Variants in AMPD3 observed in about 807,000 individuals in gnomAD.
AMPD3 encodes the protein AMP deaminase 3.
In AMPD3, 57 loss-of-function variants were observed where a neutral mutation model predicts 82.3. The ratio of observed to expected loss-of-function variants is 0.69; its 90% CI spans 0.56 to 0.86. AMPD3 has a LOEUF of 0.86. Among genes scored for constraint, AMPD3 ranks in the 40% least tolerant of loss-of-function variants. AMPD3 has a pLI of 0.00. For synonymous variants in AMPD3, 381 were observed against 394.7 expected, an observed-to-expected ratio of 0.97 and a Z score of 0.41; for missense variants, 870 against 1,003.8, an observed-to-expected ratio of 0.87 and a Z score of 1.80.
At chr11:10,486,181 G>A (rs1849063788) in intron 5 of AMPD3, among the ~76,000 whole-genome samples, 1 of 152,188 alleles carries the variant, frequency 6.6e-6, no homozygotes, top group East Asian at 1.9e-4. Flanking sequence ...TGCCTAGGGA[G>A]AGAGACTGAG....
chr11:10,452,519 A>G (rs1301816978), upstream of AMPD3, among the ~76,000 whole-genome samples: 1 of 151,866 alleles, frequency 6.6e-6, no homozygotes, highest in African/African-American at 2.4e-5. Flanking sequence ...GGGGAGAAGG[A>G]TGTTCCTCCT....
rs528824389 is a variant in AMPD3, at chr11:10,502,537, A to G, written c.1843-184A>G. 3 of 985,420 alleles carry G rather than the reference A, an allele frequency of 3.0e-6. No individual in the cohort carries two copies. In the African/African-American group the frequency reaches 5.2e-5, roughly 17 times the overall value. 61.0% of individuals were successfully genotyped at this position (985,420 alleles called of 1,614,324 possible). On this transcript the variant is annotated intron_variant, in intron 12 of 14. Coordinates refer to ENST00000396553, the MANE Select transcript of AMPD3 (RefSeq NM_001025389.2). Reference sequence around the variant, plus strand: ...CATGCAATGTAGGAATGAGATGAACAGTGGGGAAGGGGAGAGTGGGTCTGA... The same window carrying G: ...CATGCAATGTAGGAATGAGATGAACGGTGGGGAAGGGGAGAGTGGGTCTGA...
intron 1 of AMPD3, among the ~76,000 whole-genome samples, chr11:10,458,085 G>T (rs745759899): frequency 7.9e-5 from 12 of 151,936 alleles, no homozygotes; most frequent in Non-Finnish European, 1.2e-4. Context: ...GTGGTGGATG[G>T]CTTCTGTCCA....
At chr11:10,470,309 G>A (rs186812022) in intron 2 of AMPD3, among the ~76,000 whole-genome samples, 9 of 152,176 alleles carry the variant, frequency 5.9e-5, no homozygotes, top group East Asian at 1.9e-4. Context: ...TTGATGGAAC[G>A]TATCTCAAAA....
intron 2 of AMPD3, among the ~76,000 whole-genome samples, chr11:10,470,755 G>A (rs553086699): frequency 6.6e-6 from 1 of 152,108 alleles, no homozygotes; most frequent in Non-Finnish European, 1.5e-5. Flanking sequence ...AACTTACAAG[G>A]GATGTGAAGG....
At chr11:10,455,034 A>T, upstream of AMPD3, 1 of 526,866 alleles carries the variant, frequency 1.9e-6, no homozygotes, top group Non-Finnish European at 2.4e-6. Flanking sequence ...AGGAATTATG[A>T]TGTGAGCTCA....
intron 4 of AMPD3, among the ~76,000 whole-genome samples, chr11:10,483,415 T>G (rs1489295205): frequency 6.6e-6 from 1 of 152,232 alleles, no homozygotes; most frequent in South Asian, 2.1e-4. Context: ...TTTCAAGTCC[T>G]GTACTTTGAG....
chr11:10,498,736 C>T (rs1394626415), intron 10 of AMPD3, among the ~76,000 whole-genome samples: 5 of 152,182 alleles, frequency 3.3e-5, no homozygotes, highest in Non-Finnish European at 2.9e-5. Context: ...GGGTCTGGGG[C>T]GTGGGCTGGG....
chr11:10,493,213 G>A, intron 6 of AMPD3, 136 bp from the exon 7 acceptor site: 5 of 978,350 alleles, frequency 5.1e-6, no homozygotes, highest in South Asian at 3.9e-5. Flanking sequence ...ATGGGGGGTG[G>A]GATCCAGACA....
chr11:10,477,849 G>A, intron 2 of AMPD3: 8 of 982,512 alleles, frequency 8.1e-6, no homozygotes, highest in Non-Finnish European at 9.7e-6. Flanking sequence ...GAAGTAGGCT[G>A]ATCTTGCAGA....
chr11:10,473,632 A>G (rs895337945), intron 2 of AMPD3: 22 of 978,412 alleles, frequency 2.2e-5, no homozygotes, highest in Non-Finnish European at 2.5e-5. Context: ...GGAGTGAGTG[A>G]TCTCTGTGCG....
intron 1 of AMPD3, 54 bp from the exon 2 acceptor site, chr11:10,461,461 C>G (rs78155698): frequency 6.2e-7 from 1 of 1,612,592 alleles, no homozygotes; most frequent in East Asian, 2.2e-5. Context: ...TTCTCTTCCC[C>G]GGTGCTGGTG....
intron 2 of AMPD3, among the ~76,000 whole-genome samples, chr11:10,466,766 G>A (rs1405940632): frequency 6.6e-6 from 1 of 152,206 alleles, no homozygotes; most frequent in Non-Finnish European, 1.5e-5. Context: ...CCCAGTAGGG[G>A]CCGACAGGCA....
chr11:10,473,978 C>T (rs927985266), intron 2 of AMPD3, among the ~76,000 whole-genome samples: 2 of 152,076 alleles, frequency 1.3e-5, no homozygotes, highest in Non-Finnish European at 2.9e-5. Context: ...GCTGAGTGTG[C>T]GTGGGGGAGG....
At chr11:10,466,645 G>A (rs1213320010) in intron 2 of AMPD3, among the ~76,000 whole-genome samples, 5 of 152,238 alleles carry the variant, frequency 3.3e-5, no homozygotes. Context: ...CTGCCTGACA[G>A]CTCTGAAGAG....
At chr11:10,493,956 C>T (rs535726095) in intron 7 of AMPD3, among the ~76,000 whole-genome samples, 1 of 152,302 alleles carries the variant, frequency 6.6e-6, no homozygotes, top group Non-Finnish European at 1.5e-5. Context: ...ATAGAATTAC[C>T]TATGCCTCAG....
chr11:10,472,116 A>G (rs1848610255), intron 2 of AMPD3, among the ~76,000 whole-genome samples: 1 of 152,234 alleles, frequency 6.6e-6, no homozygotes, highest in Admixed American at 6.5e-5. Flanking sequence ...ATGCAGCCAT[A>G]AAAAAGATGG....
intron 2 of AMPD3, among the ~76,000 whole-genome samples, chr11:10,464,841 T>C (rs2133834727): frequency 6.6e-6 from 1 of 152,376 alleles, no homozygotes; most frequent in South Asian, 2.1e-4. Flanking sequence ...CAGAATTCTA[T>C]AATCTGGCTA....
intron 2 of AMPD3, among the ~76,000 whole-genome samples, chr11:10,465,720 A>G (rs1382588470): frequency 6.6e-6 from 1 of 152,178 alleles, no homozygotes; most frequent in Non-Finnish European, 1.5e-5. Flanking sequence ...TGCAACCTGC[A>G]GACCAGGAGA....
Sources: allele counts gnomAD v4.1 joint callset (sites outside exome capture counted in the v4.1 genomes callset), GRCh38; gene constraint gnomAD v4.1.1; transcripts MANE v1.5; gene names NCBI Gene and HGNC (gene_info 2026-07-23, HGNC 2026-07-21).